KCNAB2: variants seen among roughly 807,000 people sequenced by gnomAD.
KCNAB2 encodes the protein voltage-gated potassium channel subunit beta-2.
Under a neutral mutation model 63.6 loss-of-function variants are expected in KCNAB2, and 29 were observed. That is an observed-to-expected ratio of 0.46 (90% confidence interval 0.34 to 0.62). The LOEUF is 0.62. KCNAB2 is among the 20% of genes least tolerant of loss of function. The pLI is 0.01. For synonymous variants in KCNAB2, 222 were observed against 224.2 expected (o/e 0.99, Z 0.09); for missense variants, 359 against 563.9 (o/e 0.64, Z 3.68).
intron 11 of KCNAB2, 135 bp downstream of exon 11, chr1:6,094,620 C>A: frequency 1.4e-6 from 1 of 693,160 alleles, no homozygotes; most frequent in Non-Finnish European, 2.5e-6. Flanking sequence ...AAGGGAGGGA[C>A]AGGATGGTGG....
At chr1:6,042,849 C>CCA (rs1553122369), upstream of KCNAB2, among the ~76,000 whole-genome samples, 5 of 110,138 alleles carry the variant, frequency 4.5e-5, no homozygotes, top group African/African-American at 7.3e-5. Context: ...CCCCACCCCC[C>CCA]CCCCCGTTTG....
At chr1:6,088,940 CG>C in intron 7 of KCNAB2, 67 bp from the exon 8 acceptor site, 3 of 1,445,092 alleles carry the variant, frequency 2.1e-6, no homozygotes, top group Non-Finnish European at 2.8e-6. Flanking sequence ...GCATCGTAAA[CG>C]TTTTTTGGGA....
chr1:6,084,538 C>T (rs990196949), intron 5 of KCNAB2, among the ~76,000 whole-genome samples: 5 of 152,190 alleles, frequency 3.3e-5, no homozygotes, highest in South Asian at 4.1e-4. Context: ...ATACTTGTCC[C>T]GGCGCGGTGG....
Position 6,096,242 on chromosome 1 carries a change from G to T in KCNAB2, c.949-394G>T, listed in dbSNP as rs536696519. The T allele has an allele frequency of 2.0e-4, 86 of 436,842 alleles. No individual in the cohort carries two copies. The East Asian group carries it at 4.5e-3, about 23-fold the overall frequency. 27.1% of individuals were successfully genotyped at this position (436,842 alleles called of 1,614,324 possible). On this transcript the variant is annotated intron_variant, in intron 13 of 15. Transcript: ENST00000378083. The surrounding 1 kb of genome is among the most constrained non-coding windows in gnomAD (Gnocchi z 5.9). ...CTCCAGGAGGCCCTGCAATCCTCTG[G>T]GGGGGATGGCCAGGGGAGAGAGCAC...
In KCNAB2 at chr1:6,015,692, T is replaced by C. The variant is rs186807577; in HGVS notation, c.-53+22904T>C. Among the ~76,000 whole-genome samples, 337 of 152,224 alleles carry C rather than the reference T, an allele frequency of 2.2e-3. 1 individual carries two copies. Among genetic ancestry groups the C allele is most frequent in the African/African-American group, 7.5e-3 (313 of 41,528 alleles). ...GGAGCTTTAGAGATTTTTGGTTGAT[T>C]GGTTGGTTGGTTGGTTTTTGGGGGT... On this transcript the variant is annotated intron_variant, in intron 1 of 16. Coordinates refer to the KCNAB2 transcript ENST00000341524.
At chr1:6,030,247 C>T (rs1659488405), upstream of KCNAB2, among the ~76,000 whole-genome samples, 1 of 152,192 alleles carries the variant, frequency 6.6e-6, no homozygotes, top group Non-Finnish European at 1.5e-5. Flanking sequence ...GGTTCCATGT[C>T]ACAGAGAAGC....
chr1:6,013,873 G>A (rs1340459612), intron 1 of KCNAB2, among the ~76,000 whole-genome samples: 5 of 152,178 alleles, frequency 3.3e-5, no homozygotes, highest in East Asian at 1.9e-4. Context: ...CTCACCCTAC[G>A]AGGAGGCCTT....
intron 1 of KCNAB2, chr1:6,034,843 A>G (rs1422673840): frequency 6.6e-6 from 1 of 152,270 alleles, no homozygotes; most frequent in Non-Finnish European, 1.5e-5. Context: ...TTCCATGTCT[A>G]CTAGGTGCCA....
At chr1:6,046,562 G>A (rs1340374820) in intron 1 of KCNAB2, among the ~76,000 whole-genome samples, 1 of 152,254 alleles carries the variant, frequency 6.6e-6, no homozygotes, top group Non-Finnish European at 1.5e-5. Flanking sequence ...CCAGAGCGCT[G>A]TCAGGGAGGT....
At position 6,073,308 on chromosome 1, in the gene KCNAB2, C is replaced by G. The variant is rs963505099; in HGVS notation, c.263-425C>G. ...ACTGCAGTACACACACCCCGCCCCC[C>G]ACCAGCACCCACTGCCCTGACACCG... On this transcript the variant is annotated intron_variant, in intron 3 of 15. Coordinates refer to ENST00000378083, the MANE Select transcript of KCNAB2 (RefSeq NM_001199862.2). This position sits in a 1 kb window ranked among gnomAD's most constrained non-coding sequence, Gnocchi z 5.7. 6.6e-6 allele frequency among the ~76,000 whole-genome samples: 1 copy of G among 152,120 alleles called. No homozygotes were observed. Among genetic ancestry groups the G allele is most frequent in the Non-Finnish European group, 1.5e-5 (1 of 68,014 alleles).
Position 6,073,236 on chromosome 1 carries a change from A to C in KCNAB2, c.262+438A>C, listed in dbSNP as rs973488343. Among the ~76,000 whole-genome samples the C allele has an allele frequency of 6.7e-6, 1 of 149,994 alleles. No individual in the cohort carries two copies. Among genetic ancestry groups the C allele is most frequent in the African/African-American group, 2.5e-5 (1 of 40,572 alleles). On this transcript the variant is annotated intron_variant, in intron 3 of 15. Coordinates refer to ENST00000378083, the MANE Select transcript of KCNAB2 (RefSeq NM_001199862.2). This position sits in a 1 kb window ranked among gnomAD's most constrained non-coding sequence, Gnocchi z 5.7. ...CCTGTTTCCAGAATGTGCAGTCCCCACCTCCCCTCTGCATGCAGTACACAC... is the reference window on the plus strand; with the variant it reads ...CCTGTTTCCAGAATGTGCAGTCCCCCCCTCCCCTCTGCATGCAGTACACAC...
intron 2 of KCNAB2, among the ~76,000 whole-genome samples, chr1:6,059,445 C>T (rs989210152): frequency 2.6e-5 from 4 of 152,152 alleles, no homozygotes; most frequent in African/African-American, 9.7e-5. Context: ...CCACCTTGGC[C>T]TCCCAAAGTG....
rs72859193 is a variant in KCNAB2 at position 5,997,687 on chromosome 1, C to T, written c.-53+4899C>T. Among the ~76,000 whole-genome samples, 483 of 152,308 alleles carry T rather than the reference C, an allele frequency of 3.2e-3. 1 individual carries two copies. The highest frequency in any genetic ancestry group is 0.011 in the African/African-American group (463 of 41,550). Reference sequence around the variant, plus strand: ...AGGACAGAAGACTCTAGAATTCTGCCTCGGAGCCCTGTGATCCCAAACACT... The same window carrying T: ...AGGACAGAAGACTCTAGAATTCTGCTTCGGAGCCCTGTGATCCCAAACACT... On this transcript the variant is annotated intron_variant, in intron 1 of 16. Transcript: ENST00000341524.
chr1:6,013,662 C>T (rs918180271), intron 1 of KCNAB2, among the ~76,000 whole-genome samples: 1 of 152,208 alleles, frequency 6.6e-6, no homozygotes, highest in African/African-American at 2.4e-5. Context: ...CTTCCCCCTA[C>T]ACCCCGCATC....
intron 1 of KCNAB2, among the ~76,000 whole-genome samples, chr1:6,012,048 G>A (rs1389858711): frequency 6.6e-6 from 1 of 151,624 alleles, no homozygotes; most frequent in Non-Finnish European, 1.5e-5. Context: ...AGTGGAGGTG[G>A]TGGGTGGAGG....
chr1:6,005,029 G>GAAATGTA (rs1225246602), intron 1 of KCNAB2, among the ~76,000 whole-genome samples: 1 of 114,310 alleles, frequency 8.7e-6, no homozygotes, highest in African/African-American at 3.2e-5. Context: ...GTGGAGTAGG[G>GAAATGTA]GGACGCGGGG....
At position 6,035,563 on chromosome 1, in the gene KCNAB2, T is replaced by C. The variant is rs1659969195; in HGVS notation, c.-53+769T>C. Among the ~76,000 whole-genome samples, 1 of 151,672 alleles carries C rather than the reference T, an allele frequency of 6.6e-6. No homozygotes were observed. The highest frequency in any genetic ancestry group is 2.4e-5 in the African/African-American group (1 of 41,242). ...GGAGGAAGGGAGGAGTCGGGGTGACTCCCGGGAGTGGGACTGACACCTGGG... is the reference window on the plus strand; with the variant it reads ...GGAGGAAGGGAGGAGTCGGGGTGACCCCCGGGAGTGGGACTGACACCTGGG... On this transcript the variant is annotated intron_variant, in intron 1 of 15. Coordinates refer to the KCNAB2 transcript ENST00000164247. This position sits in a 1 kb window ranked among gnomAD's most constrained non-coding sequence, Gnocchi z 5.0.
At position 6,073,371 on chromosome 1, in the gene KCNAB2, G is replaced by A. The variant is rs1366894653; in HGVS notation, c.263-362G>A. Among the ~76,000 whole-genome samples the A allele has an allele frequency of 3.9e-5, 6 of 152,136 alleles. No homozygotes were observed. The highest frequency in any genetic ancestry group is 2.6e-4 in the Admixed American group (4 of 15,296). On this transcript the variant is annotated intron_variant, in intron 3 of 15. Transcript: ENST00000378083. The surrounding 1 kb of genome is among the most constrained non-coding windows in gnomAD (Gnocchi z 5.7). ...TGTCCCAGCAGGAGCACGCAGACGC[G>A]GCTGTCAGACCTGGTGTGTTTTCAG... is the stretch of plus-strand genomic sequence containing the variant.
At chr1:6,044,610 A>G (rs1660768517), upstream of KCNAB2, among the ~76,000 whole-genome samples, 1 of 152,154 alleles carries the variant, frequency 6.6e-6, no homozygotes, top group South Asian at 2.1e-4. Flanking sequence ...TCGAATGCCT[A>G]GCGATGGGGC....
Sources: allele counts gnomAD v4.1 joint callset (sites outside exome capture counted in the v4.1 genomes callset), GRCh38; gene constraint gnomAD v4.1.1; non-coding constraint Gnocchi (gnomAD v3.1); transcripts MANE v1.5; gene names NCBI Gene and HGNC (gene_info 2026-07-23, HGNC 2026-07-21).